PLCG1: variants seen among roughly 807,000 people sequenced by gnomAD.
The protein encoded by PLCG1 is 1-phosphatidylinositol 4,5-bisphosphate phosphodiesterase gamma-1.
Under a neutral mutation model 177.8 loss-of-function variants are expected in PLCG1, and 71 were observed. That is an observed-to-expected ratio of 0.40 (90% CI 0.33 to 0.49). The LOEUF (loss-of-function observed/expected upper bound fraction) is 0.49. Among genes scored for constraint, PLCG1 ranks in the 20% least tolerant of loss-of-function variants. The pLI is 0.72. For synonymous variants in PLCG1, 658 were observed against 647.9 expected, an observed-to-expected ratio of 1.02 and a Z score of -0.24; for missense variants, 1,281 against 1,709.0, an observed-to-expected ratio of 0.75 and a Z score of 4.42.
intron 1 of PLCG1, among the ~76,000 whole-genome samples, chr20:41,145,485 C>T (rs35576712): frequency 1.5e-3 from 230 of 152,226 alleles, no homozygotes; most frequent in African/African-American, 5.4e-3. Flanking sequence ...TAGCTGCCCC[C>T]GCCTTCCCCA....
rs79287276 is a variant in PLCG1, at chr20:41,173,835, A to C, written c.3556+22A>C. On this transcript the variant is annotated intron_variant, in intron 29 of 31. Coordinates refer to ENST00000685551, the MANE Select transcript of PLCG1 (RefSeq NM_002660.3). The surrounding 1 kb of genome is among the most constrained non-coding windows in gnomAD (Gnocchi z 6.2). ...ACAGGTGAGGACCATTCCTGGAGGC[A>C]GTGCCCCTGCAATCTTGCTGGCAGG... 1.4e-3 allele frequency: 2,316 copies of C among 1,611,896 alleles called. 4 individuals carry two copies. Among genetic ancestry groups the C allele is most frequent in the Non-Finnish European group, 1.8e-3 (2,108 of 1,178,434 alleles).
In PLCG1 at chr20:41,167,034, G is replaced by C. The variant is rs1345802324; in HGVS notation, c.2301+175G>C. 6.6e-6 allele frequency among the ~76,000 whole-genome samples: 1 copy of C among 152,120 alleles called. No individual in the cohort carries two copies. Among genetic ancestry groups the C allele is most frequent in the Admixed American group, 6.5e-5 (1 of 15,272 alleles). Reference sequence around the variant, plus strand: ...GTACCAGGAGGGTGTCTGCAGGAGGGGACATCTGAGCAGCATCTTTAAGGA... The same window carrying C: ...GTACCAGGAGGGTGTCTGCAGGAGGCGACATCTGAGCAGCATCTTTAAGGA... On this transcript the variant is annotated intron_variant, in intron 19 of 31. Transcript: ENST00000685551. This position sits in a 1 kb window ranked among gnomAD's most constrained non-coding sequence, Gnocchi z 4.4.
intron 22 of PLCG1, 127 bp downstream of exon 22, chr20:41,169,302 C>T (rs2035815209): frequency 4.3e-6 from 4 of 930,496 alleles, no homozygotes; most frequent in Non-Finnish European, 7.0e-6. Context: ...GGTCGCACAG[C>T]CCATGTGGCC....
At chr20:41,162,878 C>G (rs1179947349) in intron 6 of PLCG1, 80 bp from the exon 7 acceptor site, 4 of 1,430,152 alleles carry the variant, frequency 2.8e-6, no homozygotes, top group Non-Finnish European at 4.0e-6. Context: ...CCATCTGCTG[C>G]TCTAGCCTGC....
Position 41,153,485 on chromosome 20 carries a change from G to A in PLCG1, c.218-6121G>A, listed in dbSNP as rs2035226440. On this transcript the variant is annotated intron_variant, in intron 1 of 31. Coordinates refer to ENST00000685551, the MANE Select transcript of PLCG1 (RefSeq NM_002660.3). The surrounding 1 kb of genome is among the most constrained non-coding windows in gnomAD (Gnocchi z 5.1). ...TTTTTTAATTTTTATTTTTTGCAGA[G>A]GTGGGGTCTTCCTCTGTTACCCAGA... is the stretch of plus-strand genomic sequence containing the variant. 6.6e-6 allele frequency among the ~76,000 whole-genome samples: 1 copy of A among 152,056 alleles called. No individual in the cohort carries two copies. Among genetic ancestry groups the A allele is most frequent in the Non-Finnish European group, 1.5e-5 (1 of 68,010 alleles).
chr20:41,166,232 G>A lies in PLCG1; in HGVS notation c.1838G>A (p.Arg613Gln), dbSNP rs557583302. The A allele has an allele frequency of 2.8e-5, 45 of 1,613,898 alleles. No individual in the cohort carries two copies. Among genetic ancestry groups the A allele is most frequent in the Non-Finnish European group, 3.2e-5 (38 of 1,180,010 alleles). The part of the protein sequence containing the change: ...GKVQHCRIHS[R>Q]QDAGTPKFFL... ...GTCCAGCACTGCCGTATCCACTCCC[G>A]GCAAGATGCTGGGACCCCCAAGTTC... Residue 613 changes from arginine to glutamine, a missense_variant, in exon 17 of 32, where the codon CGG becomes CAG. By Grantham distance (43) the Arg-to-Gln change is conservative. Transcript: ENST00000685551. This position sits in a 1 kb window ranked among gnomAD's most constrained non-coding sequence, Gnocchi z 8.6.
chr20:41,168,001 C>T lies in PLCG1; in HGVS notation c.2379+72C>T, dbSNP rs1226156440. On this transcript the variant is annotated intron_variant, in intron 20 of 31. Transcript: ENST00000685551. ...CTGCTTGGGGCTTCATTTCTGTGTTCTGGGCCATCTGTGGTCTTTGTGGAG... is the reference window on the plus strand; with the variant it reads ...CTGCTTGGGGCTTCATTTCTGTGTTTTGGGCCATCTGTGGTCTTTGTGGAG... The T allele has an allele frequency of 7.9e-6, 8 of 1,013,426 alleles. No individual in the cohort carries two copies. The African/African-American group carries it at 1.3e-4, about 16-fold the overall frequency. 62.8% of individuals were successfully genotyped at this position (1,013,426 alleles called of 1,614,324 possible).
rs760960319 is a variant in PLCG1, at chr20:41,162,981, C to A, written c.705C>A (p.Ala235=). 1.2e-6 allele frequency: 2 copies of A among 1,613,952 alleles called. No homozygotes were observed. Among genetic ancestry groups the A allele is most frequent in the Admixed American group, 1.7e-5 (1 of 60,002 alleles). ...AGATGGACCTCCCCTTCTTGGAAGC[C>A]AGTACTCTGAGGTTTGGTTTGGAGT... ...QKTMDLPFLE[A]STLRAGERPE... is the part of the protein sequence containing the mutation. Residue 235 remains alanine (A), a synonymous_variant, in exon 7 of 32, where the codon GCC becomes GCA. Transcript: ENST00000685551.
Position 41,173,393 on chromosome 20 carries a change from C to A in PLCG1, c.3280-27C>A, listed in dbSNP as rs527693333. Reference sequence around the variant, plus strand: ...AATTGGAGGGAGCAGGAAGGACAATCCCAGGCCCTTCTTTGTCTGCCTACA... The same window carrying A: ...AATTGGAGGGAGCAGGAAGGACAATACCAGGCCCTTCTTTGTCTGCCTACA... On this transcript the variant is annotated intron_variant, in intron 27 of 31. Coordinates refer to ENST00000685551, the MANE Select transcript of PLCG1 (RefSeq NM_002660.3). The surrounding 1 kb of genome is among the most constrained non-coding windows in gnomAD (Gnocchi z 6.2). The A allele has an allele frequency of 6.4e-5, 99 of 1,548,964 alleles. No homozygotes were observed. In the South Asian group the frequency reaches 1.1e-3, roughly 18 times the overall value.
rs762087503 is a variant in PLCG1 at position 41,168,835 on chromosome 20, C to A, written c.2448C>A (p.Ala816=). ...ACGAGCTGACCTTCATCAAGAGCGC[C>A]ATCATCCAGAATGTGGAGAAGCAAG... ...REDELTFIKS[A]IIQNVEKQEG... Residue 816 remains alanine (A), a synonymous_variant, in exon 21 of 32, where the codon GCC becomes GCA. Transcript: ENST00000685551. 1 of 1,612,310 alleles carries A rather than the reference C, an allele frequency of 6.2e-7. No homozygotes were observed. Among genetic ancestry groups the A allele is most frequent in the Admixed American group, 1.7e-5 (1 of 60,020 alleles).
Position 41,160,017 on chromosome 20 carries a change from C to T in PLCG1, c.464+54C>T, listed in dbSNP as rs989010365. ...CTGGGAGCATTAGGGACCAGGGGGA[C>T]AGGGACAGCAGACCTTTGTGTGCCC... is the stretch of plus-strand genomic sequence containing the variant. On this transcript the variant is annotated intron_variant, in intron 3 of 31. Coordinates refer to ENST00000685551, the MANE Select transcript of PLCG1 (RefSeq NM_002660.3). This position sits in a 1 kb window ranked among gnomAD's most constrained non-coding sequence, Gnocchi z 5.5. The T allele has an allele frequency of 5.0e-6, 8 of 1,595,230 alleles. No individual in the cohort carries two copies. The African/African-American group carries it at 9.4e-5, about 19-fold the overall frequency.
At position 41,166,721 on chromosome 20, in the gene PLCG1, CCAGA is replaced by C. The variant is rs759714832; in HGVS notation, c.2167_2170del (p.Thr723Ter). The C allele has an allele frequency of 6.2e-7, 1 of 1,614,118 alleles. No individual in the cohort carries two copies. Among genetic ancestry groups the C allele is most frequent in the Non-Finnish European group, 8.5e-7 (1 of 1,180,006 alleles). On this transcript the variant is annotated frameshift_variant, in exon 19 of 32. Transcript: ENST00000685551. LOFTEE classifies it high-confidence loss of function. This position sits in a 1 kb window ranked among gnomAD's most constrained non-coding sequence, Gnocchi z 8.6. ...AGCATTGCCGTGTCCAGCAAGAGGGCCAGACAGTGATGCTAGGGAACTCGGAGTT... is the reference window on the plus strand; with the variant it reads ...AGCATTGCCGTGTCCAGCAAGAGGGCCAGTGATGCTAGGGAACTCGGAGTT...
At position 41,170,236 on chromosome 20, in the gene PLCG1, G is replaced by T; in HGVS notation, c.2775G>T (p.Lys925Asn). 1 of 1,614,136 alleles carries T rather than the reference G, an allele frequency of 6.2e-7. No individual in the cohort carries two copies. Among genetic ancestry groups the T allele is most frequent in the Non-Finnish European group, 8.5e-7 (1 of 1,180,002 alleles). The change falls in exon 24 of 32, where the codon AAG becomes AAT. Residue 925 changes from lysine (K) to asparagine (N), a missense_variant. Around this residue, in one of 4 missense-constraint regions of PLCG1, gnomAD observed 723 missense variants for 1,030.0 expected, o/e 0.70. Coordinates refer to ENST00000685551, the MANE Select transcript of PLCG1 (RefSeq NM_002660.3). ...AGGAGCTGCAGGACTGGGTGAAAAA[G>T]ATCCGTGAAGTGGCCCAGACAGCAG... Reference protein sequence around the residue: ...SQEELQDWVKKIREVAQTADA... With the variant: ...SQEELQDWVKNIREVAQTADA...
chr20:41,142,760 A>G (rs530971812), intron 1 of PLCG1, among the ~76,000 whole-genome samples: 1 of 152,294 alleles, frequency 6.6e-6, no homozygotes, highest in East Asian at 1.9e-4. Flanking sequence ...TTATTTTATA[A>G]GGTTTTTGTG....
At chr20:41,170,047 G>GT in intron 23 of PLCG1, 65 bp from the exon 24 acceptor site, 1 of 1,426,950 alleles carries the variant, frequency 7.0e-7, no homozygotes, top group Non-Finnish European at 9.7e-7. Context: ...AGTGCCTGCG[G>GT]TGTGGAGTGG....
intron 24 of PLCG1, among the ~76,000 whole-genome samples, chr20:41,171,165 C>T (rs1038242390): frequency 2.6e-5 from 4 of 152,138 alleles, no homozygotes; most frequent in South Asian, 4.1e-4. Context: ...AGAGGGCACC[C>T]GCAAGCCAAA....
intron 23 of PLCG1, among the ~76,000 whole-genome samples, chr20:41,169,801 C>T (rs1287054499): frequency 6.7e-6 from 1 of 150,212 alleles, no homozygotes; most frequent in East Asian, 1.9e-4. Context: ...CATCCCCAGG[C>T]CTAATGGGTT....
In PLCG1 at chr20:41,164,865, T is replaced by G. The variant is rs2035628023; in HGVS notation, c.1218-68T>G. On this transcript the variant is annotated intron_variant, in intron 12 of 31. Transcript: ENST00000685551. This position sits in a 1 kb window ranked among gnomAD's most constrained non-coding sequence, Gnocchi z 6.4. The stretch of plus-strand genomic sequence containing the variant: ...AGGCCCTTGGCTTCCAACAGCTCAC[T>G]GTGAGGGGCTACTTAGACCCAGAGA... The G allele has an allele frequency of 2.0e-6, 3 of 1,502,088 alleles. No homozygotes were observed. The highest frequency in any genetic ancestry group is 2.7e-6 in the Non-Finnish European group (3 of 1,098,428). 93.0% of individuals were successfully genotyped at this position (1,502,088 alleles called of 1,614,324 possible).
chr20:41,149,603 G>A (rs1449849437), intron 1 of PLCG1, among the ~76,000 whole-genome samples: 1 of 152,176 alleles, frequency 6.6e-6, no homozygotes, highest in East Asian at 1.9e-4. Context: ...AGGATCTGAA[G>A]CTTAAGAGGA....
Sources: gnomAD v4.1 joint callset for allele counts (sites outside exome capture counted in the v4.1 genomes callset) on GRCh38, gnomAD v4.1.1 for gene constraint, gnomAD v4.1.1 regional missense constraint, Gnocchi (gnomAD v3.1) non-coding constraint, MANE v1.5 for transcripts, NCBI Gene and HGNC (gene_info 2026-07-23, HGNC 2026-07-21) for gene names.